MYO3A: variants seen among roughly 807,000 people sequenced by gnomAD.
MYO3A encodes myosin-IIIa.
MYO3A carries 180 observed loss-of-function variants against 192.7 expected under a neutral mutation model. That is an observed-to-expected ratio of 0.93 (90% CI 0.83 to 1.06). The LOEUF (loss-of-function observed/expected upper bound fraction) is 1.06. Among genes scored for constraint, MYO3A ranks in the 50% least tolerant of loss-of-function variants. MYO3A has a pLI of 0.00. For synonymous variants in MYO3A, 628 were observed against 645.3 expected (o/e 0.97, Z 0.41); for missense variants, 1,896 against 1,905.0 (o/e 1.00, Z 0.09).
intron 33 of MYO3A, among the ~76,000 whole-genome samples, chr10:26,202,285 A>G (rs1222846837): frequency 6.6e-6 from 1 of 152,188 alleles, no homozygotes; most frequent in African/African-American, 2.4e-5. Context: ...CTGTAATTTG[A>G]AAAGTGTGTT....
intron 26 of MYO3A, 183 bp from the exon 27 acceptor site, chr10:26,165,884 G>C: frequency 1.5e-6 from 1 of 682,644 alleles, no homozygotes. Flanking sequence ...AGACTGGACT[G>C]GGTTTCCATC....
At chr10:25,978,156 A>C (rs911158703) in intron 4 of MYO3A, among the ~76,000 whole-genome samples, 2 of 152,194 alleles carry the variant, frequency 1.3e-5, no homozygotes, top group African/African-American at 4.8e-5. Flanking sequence ...TTCATATGTT[A>C]AACTTAGAGA....
chr10:26,131,740 C>T (rs12771164), intron 20 of MYO3A, among the ~76,000 whole-genome samples: 75,644 of 151,922 alleles, frequency 0.5, 19,380 homozygotes, highest in Middle Eastern at 0.59. Context: ...TACAGTTTCC[C>T]GGCACTGGGA....
At chr10:26,069,383 A>T (rs1287414162) in intron 12 of MYO3A, among the ~76,000 whole-genome samples, 2 of 152,116 alleles carry the variant, frequency 1.3e-5, no homozygotes, top group African/African-American at 4.8e-5. Flanking sequence ...ATATATAATT[A>T]TCAATTATTT....
chr10:26,069,529 T>G (rs986576251), intron 12 of MYO3A, among the ~76,000 whole-genome samples: 2 of 152,078 alleles, frequency 1.3e-5, no homozygotes, highest in African/African-American at 2.4e-5. Context: ...ATAGTTGTTT[T>G]TGTGTGTGAA....
intron 20 of MYO3A, among the ~76,000 whole-genome samples, chr10:26,134,302 T>A (rs1170493279): frequency 6.6e-6 from 1 of 152,164 alleles, no homozygotes; most frequent in Non-Finnish European, 1.5e-5. Flanking sequence ...ACTTGTGTCA[T>A]CTCAAGTTAA....
chr10:26,036,901 A>G lies in MYO3A; in HGVS notation c.953+10369A>G, dbSNP rs116360278. On this transcript the variant is annotated intron_variant, in intron 10 of 34. Coordinates refer to ENST00000642920, the MANE Select transcript of MYO3A (RefSeq NM_017433.5). The stretch of plus-strand genomic sequence containing the variant: ...CAGTCTCCAACTGTTGGCACCTTTG[A>G]GAAACCTTTCCCAGAAGTTACAAGT... 8.7e-3 allele frequency among the ~76,000 whole-genome samples: 1,320 copies of G among 152,348 alleles called. 16 individuals are homozygous for G. The highest frequency in any genetic ancestry group is 0.029 in the African/African-American group (1,201 of 41,572).
At chr10:26,136,039 A>C (rs568523345) in intron 20 of MYO3A, among the ~76,000 whole-genome samples, 6 of 151,132 alleles carry the variant, frequency 4.0e-5, no homozygotes, top group Admixed American at 4.0e-4. Context: ...GGCCCCATCT[A>C]CCCCTAACCA....
chr10:26,162,570 A>G (rs1253067746), intron 26 of MYO3A, among the ~76,000 whole-genome samples: 1 of 152,188 alleles, frequency 6.6e-6, no homozygotes, highest in Non-Finnish European at 1.5e-5. Context: ...GATTTTCCTC[A>G]ATGCTTTGTA....
intron 10 of MYO3A, among the ~76,000 whole-genome samples, chr10:26,047,699 C>T (rs1056388233): frequency 6.6e-5 from 10 of 151,940 alleles, no homozygotes; most frequent in Admixed American, 4.6e-4. Context: ...GGCATGAACC[C>T]GGGAGGTGGA....
chr10:26,104,034 G>A lies in MYO3A; in HGVS notation c.1776+7352G>A, dbSNP rs559940747. 3.3e-5 allele frequency among the ~76,000 whole-genome samples: 5 copies of A among 151,466 alleles called. No homozygotes were observed. In the East Asian group the frequency reaches 9.7e-4, roughly 29 times the overall value. ...AGATCCTTTGCATATTTTCTAATTG[G>A]GTTATTGTCTTTTTATTATTGAGTT... On this transcript the variant is annotated intron_variant, in intron 17 of 34. Coordinates refer to ENST00000642920, the MANE Select transcript of MYO3A (RefSeq NM_017433.5).
chr10:26,166,490 A>G (rs1470344421), intron 27 of MYO3A, among the ~76,000 whole-genome samples: 3 of 152,220 alleles, frequency 2.0e-5, no homozygotes, highest in Non-Finnish European at 4.4e-5. Flanking sequence ...TGCAATAGCT[A>G]TGATCACACC....
intron 17 of MYO3A, among the ~76,000 whole-genome samples, chr10:26,110,110 A>C (rs72787353): frequency 0.042 from 6,465 of 152,316 alleles, 197 homozygotes; most frequent in Non-Finnish European, 0.067. Context: ...CTGAAGTTAA[A>C]TGACTTTTTG....
At chr10:26,043,017 A>T (rs1843435553) in intron 10 of MYO3A, among the ~76,000 whole-genome samples, 1 of 152,310 alleles carries the variant, frequency 6.6e-6, no homozygotes, top group South Asian at 2.1e-4. Flanking sequence ...TATATGTATT[A>T]GGGGACATCC....
intron 6 of MYO3A, among the ~76,000 whole-genome samples, chr10:25,998,001 T>C (rs1840559635): frequency 6.6e-6 from 1 of 152,222 alleles, no homozygotes; most frequent in South Asian, 2.1e-4. Context: ...TCCTTCCCTT[T>C]TGCACTGTAG....
At chr10:26,161,419 A>G (rs530871757) in intron 26 of MYO3A, among the ~76,000 whole-genome samples, 1 of 152,330 alleles carries the variant, frequency 6.6e-6, no homozygotes, top group East Asian at 1.9e-4. Flanking sequence ...CAGCCACTTA[A>G]CTTGGCTCCA....
chr10:26,083,089 C>T (rs1836073154), intron 14 of MYO3A, among the ~76,000 whole-genome samples: 1 of 152,134 alleles, frequency 6.6e-6, no homozygotes. Context: ...CATCTTTTCA[C>T]TTCAAGCAGG....
intron 2 of MYO3A, among the ~76,000 whole-genome samples, chr10:25,939,377 T>G (rs1408787638): frequency 3.9e-5 from 6 of 151,998 alleles, no homozygotes; most frequent in Non-Finnish European, 8.8e-5. Context: ...TATACCCTTC[T>G]CTTTTTCTAC....
At chr10:26,183,411 T>C (rs1046363303) in intron 31 of MYO3A, among the ~76,000 whole-genome samples, 1 of 152,014 alleles carries the variant, frequency 6.6e-6, no homozygotes, top group Non-Finnish European at 1.5e-5. Context: ...TAGTCCCAGC[T>C]ACTCAGGAGG....
Sources: allele counts gnomAD v4.1 joint callset (sites outside exome capture counted in the v4.1 genomes callset), GRCh38; gene constraint gnomAD v4.1.1; transcripts MANE v1.5; gene names NCBI Gene and HGNC (gene_info 2026-07-23, HGNC 2026-07-21).